DMTN: variants seen among roughly 807,000 people sequenced by gnomAD.
DMTN encodes the protein dematin actin binding protein, also known as dematin.
DMTN carries 27 observed loss-of-function variants against 59.4 expected under a neutral mutation model. That is an observed-to-expected ratio of 0.45 (90% CI 0.33 to 0.63). DMTN has a LOEUF of 0.63. Among genes scored for constraint, DMTN ranks in the 20% least tolerant of loss-of-function variants. DMTN has a pLI of 0.02. For synonymous variants in DMTN, 221 were observed against 203.7 expected (o/e 1.08, Z -0.72); for missense variants, 451 against 528.9 (o/e 0.85, Z 1.45).
At chr8:22,074,268 T>G (rs201701524) in intron 10 of DMTN, among the ~76,000 whole-genome samples, 1 of 64,108 alleles carries the variant, frequency 1.6e-5, no homozygotes, top group Non-Finnish European at 4.1e-5. Context: ...TGTGGTTGTT[T>G]GTTGTTTGTT....
intron 9 of DMTN, among the ~76,000 whole-genome samples, chr8:22,073,197 G>A (rs1817075788): frequency 6.6e-6 from 1 of 152,194 alleles, no homozygotes. Context: ...GCTTTCAAGG[G>A]TGGCCAAACC....
Position 22,072,381 on chromosome 8 carries a change from G to A in DMTN, c.660G>A (p.Glu220=), listed in dbSNP as rs1294899205. Reference sequence around the variant, plus strand: ...GGAGGGGAGCAGAGGAAGAGGAGGAGGAGGAAGATGACGACTCTGGAGAGG... The same window carrying A: ...GGAGGGGAGCAGAGGAAGAGGAGGAAGAGGAAGATGACGACTCTGGAGAGG... ...ASRRGAEEEE[E]EEDDDSGEEM... Residue 220 remains glutamate, a synonymous_variant, in exon 9 of 16, where the codon GAG becomes GAA. Transcript: ENST00000358242. 4.4e-6 allele frequency: 7 copies of A among 1,603,412 alleles called. No individual in the cohort carries two copies. In the African/African-American group the frequency reaches 9.4e-5, roughly 21 times the overall value.
chr8:22,050,883 C>T (rs182944573), upstream of DMTN, among the ~76,000 whole-genome samples: 78 of 152,358 alleles, frequency 5.1e-4, 1 homozygote, highest in Admixed American at 4.5e-3. Context: ...GGTCTTCAGG[C>T]TCTGGAAGTC....
At chr8:22,054,313 T>C (rs1248859273), upstream of DMTN, among the ~76,000 whole-genome samples, 11 of 138,004 alleles carry the variant, frequency 8.0e-5, no homozygotes, top group Non-Finnish European at 4.6e-5. Flanking sequence ...AATGTGAGAC[T>C]CAGGCATGGT....
At chr8:22,081,092 T>TGGGGGGGGGGGGGGGGGGGGGG in intron 14 of DMTN, 21 bp from the exon 15 acceptor site, 81 of 1,547,216 alleles carry the variant, frequency 5.2e-5, no homozygotes, top group Non-Finnish European at 6.3e-5. Flanking sequence ...AGCCTAAGAT[T>TGGGGGGGGGGGGGGGGGGGGGG]GCCCCTCCCC....
chr8:22,080,474 C>T lies in DMTN; in HGVS notation c.949+14C>T, dbSNP rs747384028. On this transcript the variant is annotated intron_variant, in intron 12 of 15. Transcript: ENST00000358242. The stretch of plus-strand genomic sequence containing the variant: ...CTGGAAGCCCAGGTGAGAAGTGGGG[C>T]CTGGTGCCGGGGTCTGGAGAAGGGG... 13 of 1,614,100 alleles carry T rather than the reference C, an allele frequency of 8.1e-6. No individual in the cohort carries two copies. Among genetic ancestry groups the T allele is most frequent in the South Asian group, 2.2e-5 (2 of 91,090 alleles).
At chr8:22,074,333 G>C (rs1818126560) in intron 10 of DMTN, among the ~76,000 whole-genome samples, 1 of 152,196 alleles carries the variant, frequency 6.6e-6, no homozygotes. Flanking sequence ...GAATACAGTG[G>C]TGCACTCTCA....
chr8:22,080,797 C>T lies in DMTN; in HGVS notation c.958-8C>T. The T allele has an allele frequency of 1.2e-6, 2 of 1,606,512 alleles. No homozygotes were observed. Among genetic ancestry groups the T allele is most frequent in the Non-Finnish European group, 8.5e-7 (1 of 1,176,006 alleles). The stretch of plus-strand genomic sequence containing the variant: ...CGCTCTGGCTCACTGCGGCTTTGGT[C>T]TCCCCAGAACGGAGAGGGCCAGAGG... On this transcript the variant is annotated splice_polypyrimidine_tract_variant and splice_region_variant and intron_variant, in intron 13 of 15. Coordinates refer to ENST00000358242, the MANE Select transcript of DMTN (RefSeq NM_001387751.1).
chr8:22,056,363 C>A (rs944803917), upstream of DMTN, among the ~76,000 whole-genome samples: 7 of 152,172 alleles, frequency 4.6e-5, no homozygotes, highest in Non-Finnish European at 1.5e-5. Context: ...TGCACCCCCA[C>A]CTCAAGAGGC....
In DMTN at chr8:22,057,350, C is replaced by G. The variant is rs544520665; in HGVS notation, c.-172+214C>G. Among the ~76,000 whole-genome samples, 41 of 152,224 alleles carry G rather than the reference C, an allele frequency of 2.7e-4. No homozygotes were observed. In the South Asian group the frequency reaches 5.6e-3, roughly 21 times the overall value. ...GAAGAGGGCCTGGGGTGTTCTCATCCCAAGGATGAGAACTGCTCCCAGCCC... is the reference window on the plus strand; with the variant it reads ...GAAGAGGGCCTGGGGTGTTCTCATCGCAAGGATGAGAACTGCTCCCAGCCC... On this transcript the variant is annotated intron_variant, in intron 1 of 15. Coordinates refer to ENST00000358242, the MANE Select transcript of DMTN (RefSeq NM_001387751.1).
intron 1 of DMTN, among the ~76,000 whole-genome samples, chr8:22,063,494 C>T (rs968999268): frequency 2.0e-5 from 3 of 152,294 alleles, no homozygotes; most frequent in South Asian, 2.1e-4. Flanking sequence ...CAACAGATTA[C>T]GACCTAACCC....
chr8:22,073,870 C>A, intron 10 of DMTN, 35 bp downstream of exon 10: 2 of 1,566,344 alleles, frequency 1.3e-6, no homozygotes, highest in Non-Finnish European at 1.8e-6. Context: ...AGTCACCTGG[C>A]CAGAGATGGA....
chr8:22,074,138 G>A (rs979379537), intron 10 of DMTN, among the ~76,000 whole-genome samples: 4 of 152,226 alleles, frequency 2.6e-5, no homozygotes, highest in African/African-American at 7.2e-5. Context: ...TGCTGTTGGC[G>A]GGGAAACTGT....
At chr8:22,081,285 C>G in intron 15 of DMTN, 65 bp from the exon 16 acceptor site, 1 of 1,594,736 alleles carries the variant, frequency 6.3e-7, no homozygotes, top group Non-Finnish European at 8.6e-7. Flanking sequence ...GAGTGAGTGT[C>G]CCCTAGGTCA....
intron 1 of DMTN, among the ~76,000 whole-genome samples, chr8:22,064,371 A>C (rs904809209): frequency 2.0e-5 from 3 of 152,256 alleles, no homozygotes; most frequent in African/African-American, 7.2e-5. Flanking sequence ...AAAGCATTAC[A>C]AAGCAAGTAC....
chr8:22,067,725 C>G (rs1029250496), intron 4 of DMTN, 43 bp downstream of exon 4: 4 of 1,604,796 alleles, frequency 2.5e-6, no homozygotes, highest in Middle Eastern at 1.7e-4. Flanking sequence ...GGAGGCCCCC[C>G]CCAGCCACAC....
At position 22,080,826 on chromosome 8, in the gene DMTN, A is replaced by C. The variant is rs769573388; in HGVS notation, c.979A>C (p.Arg327=). ...CCAGAACGGAGAGGGCCAGAGGGGG[A>C]GGATGGACCGGGGGAACTCCCTGCC... The part of the protein sequence containing the change: ...GLQNGEGQRG[R]MDRGNSLPCV... Residue 327 remains arginine (R), a synonymous_variant, in exon 14 of 16, where the codon AGG becomes CGG. Coordinates refer to ENST00000358242, the MANE Select transcript of DMTN (RefSeq NM_001387751.1). 6.2e-7 allele frequency: 1 copy of C among 1,600,356 alleles called. No individual in the cohort carries two copies. The highest frequency in any genetic ancestry group is 1.3e-5 in the African/African-American group (1 of 74,776).
chr8:22,062,012 C>T (rs549181696), intron 1 of DMTN, among the ~76,000 whole-genome samples: 4 of 152,060 alleles, frequency 2.6e-5, no homozygotes, highest in Non-Finnish European at 5.9e-5. Context: ...CTGCCTTGGC[C>T]CCCGAAGTGT....
intron 1 of DMTN, among the ~76,000 whole-genome samples, chr8:22,064,308 G>A (rs758842557): frequency 2.6e-5 from 4 of 152,250 alleles, no homozygotes; most frequent in Non-Finnish European, 4.4e-5. Context: ...AGGAGAGGGA[G>A]CTAATAGCTC....
Sources: allele counts gnomAD v4.1 joint callset (sites outside exome capture counted in the v4.1 genomes callset), GRCh38; gene constraint gnomAD v4.1.1; transcripts MANE v1.5; gene names NCBI Gene and HGNC (gene_info 2026-07-23, HGNC 2026-07-21).